The following EPB41L4B variants were observed in gnomAD, a reference collection of about 807,000 sequenced individuals.
The protein encoded by EPB41L4B is erythrocyte membrane protein band 4.1 like 4B, also known as band 4.1-like protein 4B.
A neutral mutation model predicts 112.5 loss-of-function variants in EPB41L4B; 30 were observed. The observed-to-expected ratio is 0.27, with a 90% CI of 0.20 to 0.36. EPB41L4B has a LOEUF of 0.36. EPB41L4B is among the 10% of genes least tolerant of loss of function. EPB41L4B has a pLI of 1.00. For synonymous variants in EPB41L4B, 408 were observed against 439.7 expected (o/e 0.93, Z 0.90); for missense variants, 1,024 against 1,133.3 (o/e 0.90, Z 1.38).
chr9:109,216,549 G>A (rs1178255567), intron 16 of EPB41L4B, among the ~76,000 whole-genome samples: 1 of 151,440 alleles, frequency 6.6e-6, no homozygotes, highest in Non-Finnish European at 1.5e-5. Context: ...GCTGAGGCAG[G>A]AGAATTGCTC....
intron 1 of EPB41L4B, among the ~76,000 whole-genome samples, chr9:109,287,535 G>A (rs1187556588): frequency 2.0e-5 from 3 of 152,206 alleles, no homozygotes; most frequent in Non-Finnish European, 4.4e-5. Flanking sequence ...GAAGTGAATT[G>A]CAAAAGCACG....
intron 2 of EPB41L4B, among the ~76,000 whole-genome samples, chr9:109,270,644 G>C (rs145289826): frequency 7.2e-4 from 110 of 152,312 alleles, no homozygotes; most frequent in African/African-American, 2.6e-3. Flanking sequence ...TCATCCCCTA[G>C]TCTAATTAGC....
chr9:109,297,143 G>A (rs1836761479), intron 1 of EPB41L4B, among the ~76,000 whole-genome samples: 2 of 140,984 alleles, frequency 1.4e-5, no homozygotes, highest in Admixed American at 7.3e-5. Context: ...AGACACCAGG[G>A]ACACATACGC....
rs149716626 is a variant in EPB41L4B, at chr9:109,270,103, A to T, written c.412-1670T>A. Among the ~76,000 whole-genome samples, 301 of 152,162 alleles carry T rather than the reference A, an allele frequency of 2.0e-3. 1 individual carries two copies. The highest frequency in any genetic ancestry group is 7.0e-3 in the African/African-American group (289 of 41,542). On this transcript the variant is annotated intron_variant, in intron 2 of 25. Transcript: ENST00000374566. Reference sequence around the variant, plus strand: ...TTTATCTCATTGTTAATAGCTTTGAATTGGAAATGACCTAAATGTCCATCA... The same window carrying T: ...TTTATCTCATTGTTAATAGCTTTGATTTGGAAATGACCTAAATGTCCATCA...
intron 1 of EPB41L4B, among the ~76,000 whole-genome samples, chr9:109,307,577 G>T (rs1035020135): frequency 6.6e-6 from 1 of 152,198 alleles, no homozygotes; most frequent in East Asian, 1.9e-4. Flanking sequence ...GATTGTAACC[G>T]ACTGAGCAGA....
At chr9:109,288,816 A>G (rs1007500932) in intron 1 of EPB41L4B, among the ~76,000 whole-genome samples, 1 of 145,294 alleles carries the variant, frequency 6.9e-6, no homozygotes, top group African/African-American at 2.6e-5. Flanking sequence ...TGGGAGGATC[A>G]CTTGAGCCCA....
intron 1 of EPB41L4B, among the ~76,000 whole-genome samples, chr9:109,316,827 C>T (rs1036036255): frequency 5.3e-5 from 8 of 152,188 alleles, no homozygotes; most frequent in South Asian, 2.1e-4. Flanking sequence ...AGGGGCCAAG[C>T]GCAGTGGCTC....
At chr9:109,230,014 G>T (rs1833902967) in intron 15 of EPB41L4B, among the ~76,000 whole-genome samples, 1 of 152,096 alleles carries the variant, frequency 6.6e-6, no homozygotes, top group African/African-American at 2.4e-5. Flanking sequence ...TACAGCAGAT[G>T]GTGTCAGCCA....
intron 15 of EPB41L4B, among the ~76,000 whole-genome samples, chr9:109,226,707 T>G: frequency 7.1e-6 from 1 of 139,980 alleles, no homozygotes; most frequent in Non-Finnish European, 1.5e-5. Context: ...AATATATATA[T>G]GAAGAATATA....
intron 1 of EPB41L4B, chr9:109,307,100 C>G: frequency 4.5e-6 from 1 of 223,530 alleles, no homozygotes; most frequent in Non-Finnish European, 8.9e-6. Flanking sequence ...GCAACTGTAA[C>G]TATCTGGAAA....
At chr9:109,252,475 T>C (rs901841478) in intron 12 of EPB41L4B, among the ~76,000 whole-genome samples, 3 of 152,304 alleles carry the variant, frequency 2.0e-5, no homozygotes, top group Non-Finnish European at 4.4e-5. Context: ...TGTGGGCATT[T>C]TCCCTCCACT....
chr9:109,203,306 C>T (rs10816785), intron 19 of EPB41L4B, among the ~76,000 whole-genome samples: 46,157 of 152,058 alleles, frequency 0.3, 7,516 homozygotes, highest in Middle Eastern at 0.42. Flanking sequence ...TCTTGAAGGG[C>T]CTGGCCTCCT....
intron 18 of EPB41L4B, among the ~76,000 whole-genome samples, chr9:109,206,617 C>G (rs146214592): frequency 4.5e-4 from 68 of 152,314 alleles, no homozygotes; most frequent in African/African-American, 1.5e-3. Context: ...CCTTGGAATG[C>G]CCACCATGTA....
chr9:109,316,312 C>T (rs1384164316), intron 1 of EPB41L4B, among the ~76,000 whole-genome samples: 1 of 152,230 alleles, frequency 6.6e-6, no homozygotes, highest in African/African-American at 2.4e-5. Flanking sequence ...GGAGTGCTAA[C>T]TGGCCGACCG....
At chr9:109,187,365 C>T (rs895350077) in intron 22 of EPB41L4B, among the ~76,000 whole-genome samples, 5 of 152,082 alleles carry the variant, frequency 3.3e-5, no homozygotes, top group Admixed American at 2.0e-4. Context: ...ATGGTCTTCA[C>T]GATGGCCTGT....
chr9:109,258,918 A>G (rs1835091181), intron 6 of EPB41L4B, among the ~76,000 whole-genome samples: 1 of 152,170 alleles, frequency 6.6e-6, no homozygotes, highest in Non-Finnish European at 1.5e-5. Flanking sequence ...CCGAGCAAGA[A>G]GCCCAATTTG....
chr9:109,285,282 C>T (rs1836229402), intron 1 of EPB41L4B, among the ~76,000 whole-genome samples: 1 of 152,190 alleles, frequency 6.6e-6, no homozygotes. Context: ...CCAAATCTCA[C>T]TTTTCTGATG....
chr9:109,222,833 C>T (rs184024968), intron 15 of EPB41L4B, among the ~76,000 whole-genome samples: 135 of 152,212 alleles, frequency 8.9e-4, no homozygotes, highest in Admixed American at 3.0e-3. Flanking sequence ...GCTGGTGCCC[C>T]CTTAGACACT....
intron 2 of EPB41L4B, among the ~76,000 whole-genome samples, chr9:109,269,323 T>G (rs530047512): frequency 1.9e-4 from 29 of 152,228 alleles, no homozygotes; most frequent in Non-Finnish European, 3.4e-4. Flanking sequence ...TTCCTCTAGC[T>G]TTGACCAAAA....
Sources: gnomAD v4.1 joint callset for allele counts (sites outside exome capture counted in the v4.1 genomes callset) on GRCh38, gnomAD v4.1.1 for gene constraint, MANE v1.5 for transcripts, NCBI Gene and HGNC (gene_info 2026-07-23, HGNC 2026-07-21) for gene names.